The following DDAH1 variants were observed in gnomAD, a reference collection of about 807,000 sequenced individuals.
DDAH1 encodes the protein N(G),N(G)-dimethylarginine dimethylaminohydrolase 1.
DDAH1 carries 19 observed loss-of-function variants against 28.8 expected under a neutral mutation model. The ratio of observed to expected loss-of-function variants is 0.66; its 90% CI spans 0.46 to 0.97. The LOEUF is 0.97. Among genes scored for constraint, DDAH1 ranks in the 50% least tolerant of loss-of-function variants. The pLI, the probability that DDAH1 is intolerant of heterozygous loss-of-function variation, is 0.00. For missense variants in DDAH1, 326 were observed against 375.9 expected, an observed-to-expected ratio of 0.87 and a Z score of 1.10; for synonymous variants, 153 against 154.4, an observed-to-expected ratio of 0.99 and a Z score of 0.07.
chr1:85,482,441 T>C (rs992586334), intron 2 of DDAH1: 2 of 152,138 alleles, frequency 1.3e-5, no homozygotes, highest in Admixed American at 6.5e-5. Context: ...AAAACTGATA[T>C]TGCAATCGTG....
At chr1:85,408,789 A>G (rs1219281906) in intron 1 of DDAH1, among the ~76,000 whole-genome samples, 2 of 152,196 alleles carry the variant, frequency 1.3e-5, no homozygotes, top group Non-Finnish European at 2.9e-5. Flanking sequence ...ATAGCACCAG[A>G]GGCAATGAAT....
intron 1 of DDAH1, among the ~76,000 whole-genome samples, chr1:85,545,943 A>G (rs1658609792): frequency 6.6e-6 from 1 of 152,162 alleles, no homozygotes; most frequent in Admixed American, 6.5e-5. Context: ...GACTTTGGAT[A>G]AAGCACTGGC....
intron 1 of DDAH1, among the ~76,000 whole-genome samples, chr1:85,452,238 T>C (rs1193614161): frequency 2.0e-5 from 3 of 152,172 alleles, no homozygotes; most frequent in Non-Finnish European, 4.4e-5. Flanking sequence ...CAACAAAGAA[T>C]GGCAACAAAA....
rs542706346 is a variant in DDAH1, at chr1:85,418,299, G to A, written c.303+46444C>T. 1.6e-4 allele frequency among the ~76,000 whole-genome samples: 25 copies of A among 152,312 alleles called. 1 individual carries two copies. In the South Asian group the frequency reaches 5.0e-3, roughly 30 times the overall value. ...TCAGGGTCTCTCTACAATGTAACAA[G>A]TGAAAACATGAAAGGTTAATTTGTT... On this transcript the variant is annotated intron_variant, in intron 1 of 5. Transcript: ENST00000284031.
chr1:85,527,333 CTG>C (rs10597768), intron 1 of DDAH1, among the ~76,000 whole-genome samples: 21,641 of 152,204 alleles, frequency 0.14, 1,598 homozygotes, highest in South Asian at 0.21. Flanking sequence ...GGTCTGGTCT[CTG>C]TGAACCATGC....
At chr1:85,547,784 A>T (rs1434464003) in intron 1 of DDAH1, among the ~76,000 whole-genome samples, 1 of 152,228 alleles carries the variant, frequency 6.6e-6, no homozygotes, top group Non-Finnish European at 1.5e-5. Flanking sequence ...CTGACTGGCC[A>T]TCCAGGTCTG....
At chr1:85,392,784 T>A (rs1274019476) in intron 1 of DDAH1, among the ~76,000 whole-genome samples, 2 of 111,598 alleles carry the variant, frequency 1.8e-5, no homozygotes, top group Non-Finnish European at 1.7e-5. Flanking sequence ...AGAGCAAGAC[T>A]CTGTCTAAAA....
chr1:85,423,489 C>T (rs1653245289), intron 1 of DDAH1, among the ~76,000 whole-genome samples: 1 of 151,872 alleles, frequency 6.6e-6, no homozygotes, highest in African/African-American at 2.4e-5. Context: ...GGCATTTTTC[C>T]TCCTTCCCTT....
At chr1:85,454,021 G>A (rs976755117) in intron 1 of DDAH1, among the ~76,000 whole-genome samples, 3 of 152,128 alleles carry the variant, frequency 2.0e-5, no homozygotes, top group African/African-American at 7.2e-5. Context: ...ATGCCTCCCA[G>A]TGTCTGTGTA....
chr1:85,428,602 G>C (rs138484203), intron 1 of DDAH1, among the ~76,000 whole-genome samples: 16 of 152,256 alleles, frequency 1.1e-4, no homozygotes, highest in African/African-American at 3.9e-4. Flanking sequence ...ACAAGGGTAA[G>C]GTTGTTGCCA....
intron 1 of DDAH1, among the ~76,000 whole-genome samples, chr1:85,415,808 G>C (rs754308406): frequency 3.3e-5 from 5 of 152,056 alleles, no homozygotes; most frequent in Non-Finnish European, 7.4e-5. Context: ...TCTAAATTTT[G>C]ATTTTTTAAA....
chr1:85,555,793 A>G (rs1024559085), intron 1 of DDAH1, among the ~76,000 whole-genome samples: 5 of 152,212 alleles, frequency 3.3e-5, no homozygotes, highest in African/African-American at 4.8e-5. Flanking sequence ...TCCAGAAAAA[A>G]GCTGAAATTG....
intron 4 of DDAH1, among the ~76,000 whole-genome samples, chr1:85,338,043 C>A (rs1648247265): frequency 1.3e-5 from 2 of 152,208 alleles, no homozygotes; most frequent in African/African-American, 2.4e-5. Context: ...ACTTCTCCCC[C>A]AAACAGAGAT....
intron 1 of DDAH1, among the ~76,000 whole-genome samples, chr1:85,513,721 A>G (rs1322207142): frequency 6.6e-6 from 1 of 152,260 alleles, no homozygotes; most frequent in Admixed American, 6.5e-5. Context: ...TCAAAAGAAG[A>G]CATTTATGCA....
At chr1:85,475,962 C>T (rs1425499226) in intron 2 of DDAH1, among the ~76,000 whole-genome samples, 3 of 152,168 alleles carry the variant, frequency 2.0e-5, no homozygotes, top group African/African-American at 2.4e-5. Context: ...AGTGATTCTC[C>T]CACCTTAGTC....
chr1:85,328,328 TTG>T (rs1369881756), intron 4 of DDAH1, among the ~76,000 whole-genome samples: 5 of 152,270 alleles, frequency 3.3e-5, no homozygotes, highest in Non-Finnish European at 7.4e-5. Context: ...CTCTGTCAGG[TTG>T]TGACCCCAAT....
At chr1:85,403,035 G>A (rs918605527) in intron 1 of DDAH1, among the ~76,000 whole-genome samples, 4 of 151,964 alleles carry the variant, frequency 2.6e-5, no homozygotes, top group African/African-American at 4.8e-5. Flanking sequence ...TCTGTTCCAA[G>A]TGATAAGAAG....
intron 1 of DDAH1, among the ~76,000 whole-genome samples, chr1:85,405,976 G>A (rs1324217475): frequency 6.6e-6 from 1 of 152,214 alleles, no homozygotes; most frequent in Non-Finnish European, 1.5e-5. Flanking sequence ...GCCTCCAACA[G>A]TTTTAAAGAA....
intron 1 of DDAH1, among the ~76,000 whole-genome samples, chr1:85,393,758 G>A (rs1430311407): frequency 1.3e-5 from 2 of 152,106 alleles, no homozygotes; most frequent in Admixed American, 1.3e-4. Flanking sequence ...TCTCAGTTGT[G>A]TGCTTTGAGA....
Sources: allele counts gnomAD v4.1 joint callset (sites outside exome capture counted in the v4.1 genomes callset), GRCh38; gene constraint gnomAD v4.1.1; transcripts MANE v1.5; gene names NCBI Gene and HGNC (gene_info 2026-07-23, HGNC 2026-07-21).